KCTD19: variants seen among roughly 807,000 people sequenced by gnomAD.
KCTD19 encodes the protein potassium channel tetramerization domain containing 19.
In KCTD19, 67 loss-of-function variants were observed where a neutral mutation model predicts 103.5. That is an observed-to-expected ratio of 0.65 (90% CI 0.53 to 0.79). The LOEUF is 0.79. Ranked by LOEUF, KCTD19 falls within the 30% of genes least tolerant of loss-of-function variation. The pLI, the probability that KCTD19 is intolerant of heterozygous loss-of-function variation, is 0.00. For missense variants in KCTD19, 980 were observed against 1,136.1 expected, an observed-to-expected ratio of 0.86 and a Z score of 1.98; for synonymous variants, 439 against 452.2, an observed-to-expected ratio of 0.97 and a Z score of 0.37.
intron 1 of KCTD19, chr16:67,326,476 G>A (rs2037173599): frequency 1.9e-6 from 1 of 529,880 alleles, no homozygotes; most frequent in East Asian, 3.6e-5. Flanking sequence ...CCAGCCCTCA[G>A]AACCGGAGTC....
At chr16:67,306,556 G>C (rs534188407) in intron 2 of KCTD19, among the ~76,000 whole-genome samples, 3 of 152,180 alleles carry the variant, frequency 2.0e-5, no homozygotes, top group African/African-American at 7.2e-5. Flanking sequence ...CACCGTGCCC[G>C]TCCTGCCTCT....
intron 12 of KCTD19, 105 bp from the exon 13 acceptor site, chr16:67,291,942 T>C: frequency 1.5e-6 from 1 of 676,694 alleles, no homozygotes; most frequent in Admixed American, 3.3e-5. Context: ...GGCACAATCT[T>C]GGCTCACTGC....
intron 2 of KCTD19, among the ~76,000 whole-genome samples, chr16:67,316,281 C>T (rs979675058): frequency 8.0e-5 from 12 of 150,718 alleles, no homozygotes; most frequent in Admixed American, 2.6e-4. Flanking sequence ...CTCAAGAATC[C>T]TCCTGCCTTG....
At chr16:67,310,441 G>C (rs2036937687) in intron 2 of KCTD19, among the ~76,000 whole-genome samples, 1 of 152,186 alleles carries the variant, frequency 6.6e-6, no homozygotes, top group Non-Finnish European at 1.5e-5. Flanking sequence ...CTGACTTCAA[G>C]TCCGCTTTCA....
At position 67,325,199 on chromosome 16, in the gene KCTD19, C is replaced by CTTTTTTTTTTTTTTTTTTT. The variant is rs918808425; in HGVS notation, c.3+1505_3+1506insAAAAAAAAAAAAAAAAAAA. Among the ~76,000 whole-genome samples, 43 of 132,340 alleles carry CTTTTTTTTTTTTTTTTTTT rather than the reference C, an allele frequency of 3.2e-4. 1 individual carries two copies. Among genetic ancestry groups the CTTTTTTTTTTTTTTTTTTT allele is most frequent in the African/African-American group, 1.1e-3 (31 of 29,130 alleles). The allele number at this position is 132,340 out of a possible 152,430, so 86.8% of individuals were successfully genotyped here. On this transcript the variant is annotated intron_variant, in intron 1 of 15. Coordinates refer to ENST00000304372, the MANE Select transcript of KCTD19 (RefSeq NM_001100915.3). ...CTTTCTTTCTTTTTTTTCTTTTTTTCTTTTTTTCTTTTTTTTTTTTTTTGA... is the reference window on the plus strand; with the variant it reads ...CTTTCTTTCTTTTTTTTCTTTTTTTCTTTTTTTTTTTTTTTTTTTTTTTTTTCTTTTTTTTTTTTTTTGA...
At position 67,303,245 on chromosome 16, in the gene KCTD19, C is replaced by T. The variant is rs1451395432; in HGVS notation, c.544G>A (p.Val182Met). ...VHYCFLPLDLVAKYPSLVTED... is the reference protein window; with the variant it reads ...VHYCFLPLDLMAKYPSLVTED... ...GTCACTAGGCTGGGATATTTGGCCA[C>T]CAGGTCTAGGGGCAGGAAGCAGTAG... Residue 182 changes from valine to methionine, a missense_variant, in exon 4 of 16, where the codon GTG becomes ATG. Coordinates refer to ENST00000304372, the MANE Select transcript of KCTD19 (RefSeq NM_001100915.3). The surrounding 1 kb of genome is among the most constrained non-coding windows in gnomAD (Gnocchi z 4.3). 2 of 1,614,090 alleles carry T rather than the reference C, an allele frequency of 1.2e-6. No homozygotes were observed. The highest frequency in any genetic ancestry group is 3.3e-5 in the Admixed American group (2 of 60,018).
chr16:67,321,189 A>T (rs1249108757), intron 1 of KCTD19, among the ~76,000 whole-genome samples: 1 of 152,218 alleles, frequency 6.6e-6, no homozygotes, highest in Non-Finnish European at 1.5e-5. Flanking sequence ...CCTGTCTCAA[A>T]AAAGAAAAAC....
At position 67,293,412 on chromosome 16, in the gene KCTD19, T is replaced by A; in HGVS notation, c.2218+132A>T. 1 of 991,058 alleles carries A rather than the reference T, an allele frequency of 1.0e-6. No homozygotes were observed. Among genetic ancestry groups the A allele is most frequent in the South Asian group, 1.6e-5 (1 of 63,366 alleles). 61.4% of individuals were successfully genotyped at this position (991,058 alleles called of 1,614,324 possible). A position where few individuals can be genotyped will look rare whatever the true frequency, so the allele number is the denominator to read the frequency against. ...GCCAGTCATTTCTGTGTCTGCTGCC[T>A]GGCACAGAGATGGCATTGGTGAGCG... is the stretch of plus-strand genomic sequence containing the variant. On this transcript the variant is annotated intron_variant, in intron 12 of 15. Transcript: ENST00000304372. This position sits in a 1 kb window ranked among gnomAD's most constrained non-coding sequence, Gnocchi z 4.0.
rs1161413743 is a variant in KCTD19, at chr16:67,304,522, G to A, written c.350C>T (p.Ala117Val). 3 of 1,613,922 alleles carry A rather than the reference G, an allele frequency of 1.9e-6. No individual in the cohort carries two copies. The East Asian group carries it at 6.7e-5, about 36-fold the overall frequency. ...TGCTCTCTCAGCAACAGGTAGGTCT[G>A]CAGGCCGTACGCGTAGATGGTGTTT... ...EGKHHLRVRP[A>V]DLPVAERASL... Residue 117 changes from alanine (A) to valine (V), a missense_variant, in exon 3 of 16, where the codon GCA becomes GTA. By Grantham distance (64) the Ala-to-Val change is moderately conservative. Coordinates refer to ENST00000304372, the MANE Select transcript of KCTD19 (RefSeq NM_001100915.3).
Position 67,302,790 on chromosome 16 carries a change from C to T in KCTD19, c.643+356G>A, listed in dbSNP as rs1055008766. 8.5e-5 allele frequency: 21 copies of T among 246,042 alleles called. 1 individual carries two copies. Among genetic ancestry groups the T allele is most frequent in the Admixed American group, 5.3e-4 (9 of 17,086 alleles). The allele number at this position is 246,042 out of a possible 1,614,324, so 15.2% of individuals were successfully genotyped here. On this transcript the variant is annotated intron_variant, in intron 4 of 15. Coordinates refer to ENST00000304372, the MANE Select transcript of KCTD19 (RefSeq NM_001100915.3). ...ATTTTATGGTGAGAGGAACTGAGGC[C>T]GGAAGACCAGCTGGATACATAAGGG...
chr16:67,322,651 G>A (rs1156809330), intron 1 of KCTD19, among the ~76,000 whole-genome samples: 1 of 152,076 alleles, frequency 6.6e-6, no homozygotes, highest in East Asian at 1.9e-4. Flanking sequence ...CTTTGGAGTA[G>A]GCAAAACTTT....
chr16:67,321,631 TAAGAAG>T, intron 1 of KCTD19: 1 of 152,154 alleles, frequency 6.6e-6, no homozygotes, highest in African/African-American at 2.4e-5. Context: ...GGAGAACGTT[TAAGAAG>T]TCACATTTCC....
rs1302747008 is a variant in KCTD19 at position 67,293,665 on chromosome 16, T to G, written c.2097A>C (p.Pro699=). 1 of 1,614,052 alleles carries G rather than the reference T, an allele frequency of 6.2e-7. No homozygotes were observed. The highest frequency in any genetic ancestry group is 8.5e-7 in the Non-Finnish European group (1 of 1,180,014). ...HSTASEKDPG[P]QAGAGAGAKD... ...TCGCTCCAGCTCCAGCCCCTGCCTG[T>G]GGTCCTGGATCCTTCTCTGAGGCTG... The change falls in exon 12 of 16, where the codon CCA becomes CCC. Residue 699 remains proline, a synonymous_variant. Transcript: ENST00000304372. The surrounding 1 kb of genome is among the most constrained non-coding windows in gnomAD (Gnocchi z 4.0).
intron 5 of KCTD19, chr16:67,301,297 A>G (rs1213897414): frequency 6.5e-6 from 1 of 155,024 alleles, no homozygotes; most frequent in African/African-American, 2.4e-5. Context: ...CAGGCACAGC[A>G]GCCGGGGGTT....
chr16:67,305,903 C>T (rs1256281641), intron 2 of KCTD19, among the ~76,000 whole-genome samples: 1 of 152,136 alleles, frequency 6.6e-6, no homozygotes, highest in Non-Finnish European at 1.5e-5. Flanking sequence ...ACTGTGCCCG[C>T]ATAATCACTT....
At position 67,320,526 on chromosome 16, in the gene KCTD19, A is replaced by G. The variant is rs1420211989; in HGVS notation, c.300+63T>C. The G allele has an allele frequency of 6.7e-7, 1 of 1,496,314 alleles. No individual in the cohort carries two copies. 92.7% of individuals were successfully genotyped at this position (1,496,314 alleles called of 1,614,324 possible). A position where few individuals can be genotyped will look rare whatever the true frequency, so the allele number is the denominator to read the frequency against. On this transcript the variant is annotated intron_variant, in intron 2 of 15. Transcript: ENST00000304372. The surrounding 1 kb of genome is among the most constrained non-coding windows in gnomAD (Gnocchi z 4.0). Reference sequence around the variant, plus strand: ...CAGCAACCAATATATAACAGGAAACAATATTTAGTGATGTAAAGCCATGTT... The same window carrying G: ...CAGCAACCAATATATAACAGGAAACGATATTTAGTGATGTAAAGCCATGTT...
At chr16:67,301,768 G>A in intron 5 of KCTD19, 23 bp downstream of exon 5, 1 of 1,612,038 alleles carries the variant, frequency 6.2e-7, no homozygotes, top group Non-Finnish European at 8.5e-7. Context: ...TCGAGGGGGA[G>A]CCAAGGTTTC....
rs2036735283 is a variant in KCTD19, at chr16:67,294,099, G to C, written c.1663C>G (p.Leu555Val). Residue 555 changes from leucine to valine, a missense_variant, in exon 12 of 16, where the codon CTG becomes GTG. Transcript: ENST00000304372. ...TCATCCATCTGGTTGGACCTGACCA[G>C]GTTTCCCTTAGCCTTGTTCCATGGA... The part of the protein sequence containing the change: ...RTPWNKAKGN[L>V]VRSNQMDEAE... 6.2e-7 allele frequency: 1 copy of C among 1,613,970 alleles called. No individual in the cohort carries two copies. The highest frequency in any genetic ancestry group is 1.7e-5 in the Admixed American group (1 of 60,030).
Position 67,311,361 on chromosome 16 carries a change from A to G in KCTD19, c.301-6790T>C, listed in dbSNP as rs549654031. 4.6e-5 allele frequency among the ~76,000 whole-genome samples: 7 copies of G among 152,194 alleles called. No individual in the cohort carries two copies. The East Asian group carries it at 1.2e-3, about 25-fold the overall frequency. The stretch of plus-strand genomic sequence containing the variant: ...GTTCAAGCTAGAGTGCAGTGGCACA[A>G]TCTTGGCCTTGTCTCACTGCAACCT... On this transcript the variant is annotated intron_variant, in intron 2 of 15. Coordinates refer to ENST00000304372, the MANE Select transcript of KCTD19 (RefSeq NM_001100915.3).
Sources: allele counts gnomAD v4.1 joint callset (sites outside exome capture counted in the v4.1 genomes callset), GRCh38; gene constraint gnomAD v4.1.1; non-coding constraint Gnocchi (gnomAD v3.1); transcripts MANE v1.5; gene names NCBI Gene and HGNC (gene_info 2026-07-23, HGNC 2026-07-21).